Variants in SGK1 observed in about 807,000 individuals in gnomAD.
SGK1 encodes serum/glucocorticoid regulated kinase 1, also known as serine/threonine-protein kinase Sgk1.
Under a neutral mutation model 64.2 loss-of-function variants are expected in SGK1, and 26 were observed. That is an observed-to-expected ratio of 0.40 (90% CI 0.30 to 0.56). The LOEUF is 0.56. SGK1 is among the 20% of genes least tolerant of loss of function. The pLI, the probability that SGK1 is intolerant of heterozygous loss-of-function variation, is 0.38. For synonymous variants in SGK1, 265 were observed against 239.7 expected (o/e 1.11, Z -0.98); for missense variants, 519 against 645.6 (o/e 0.80, Z 2.12).
intron 3 of SGK1, chr6:134,175,396 G>A: frequency 5.6e-6 from 7 of 1,249,038 alleles, no homozygotes; most frequent in Non-Finnish European, 3.1e-6. Context: ...TGGGGCGCAG[G>A]CCTGCGCGCG....
chr6:134,315,803 G>T (rs1327917832), intron 1 of SGK1, among the ~76,000 whole-genome samples: 2 of 152,158 alleles, frequency 1.3e-5, no homozygotes, highest in Non-Finnish European at 2.9e-5. Context: ...AATTTGGGAG[G>T]CTGAGGCAGG....
intron 2 of SGK1, among the ~76,000 whole-genome samples, chr6:134,214,654 C>A (rs959908378): frequency 3.8e-5 from 1 of 26,598 alleles, no homozygotes; most frequent in Non-Finnish European, 1.3e-4. Flanking sequence ...TTCTGAAAAA[C>A]AGAATATGTG....
chr6:134,189,205 G>GGGGT (rs1775469467), intron 3 of SGK1, among the ~76,000 whole-genome samples: 1 of 148,124 alleles, frequency 6.8e-6, no homozygotes, highest in Non-Finnish European at 1.5e-5. Context: ...CTTTTATACA[G>GGGGT]GTGTGTGTGT....
chr6:134,175,433 T>A, intron 3 of SGK1: 1 of 1,308,400 alleles, frequency 7.6e-7, no homozygotes. Context: ...GTCCTCCCGT[T>A]CCCGCCGCCG....
intron 11 of SGK1, 103 bp downstream of exon 11, chr6:134,171,534 A>G (rs1775025484): frequency 1.3e-6 from 1 of 751,394 alleles, no homozygotes. Context: ...TGCTTTTGAT[A>G]AGCGTACTGG....
intron 1 of SGK1, among the ~76,000 whole-genome samples, chr6:134,305,083 C>T (rs1272863911): frequency 6.6e-6 from 1 of 152,110 alleles, no homozygotes; most frequent in South Asian, 2.1e-4. Context: ...TAACCAGGCA[C>T]GGTTGCTCAC....
chr6:134,245,142 TA>T (rs148568732), intron 2 of SGK1, among the ~76,000 whole-genome samples: 2,919 of 152,268 alleles, frequency 0.019, 96 homozygotes, highest in African/African-American at 0.065. Flanking sequence ...GAGGTCTTGC[TA>T]TGTTGCCCAT....
rs114411864 is a variant in SGK1 at position 134,280,024 on chromosome 6, C to A, written c.70-17876G>T. Among the ~76,000 whole-genome samples, 1,484 of 151,922 alleles carry A rather than the reference C, an allele frequency of 9.8e-3. 34 individuals carry two copies. Among genetic ancestry groups the A allele is most frequent in the African/African-American group, 0.034 (1,415 of 41,380 alleles). ...CCGGGGCAACATAGTGAGATCTCAT[C>A]TCTACAATAAGATAAAAAAATATAG... On this transcript the variant is annotated intron_variant, in intron 1 of 13. Coordinates refer to ENST00000367858, the MANE Select transcript of SGK1 (RefSeq NM_001143676.3).
chr6:134,237,575 G>A (rs1776384448), intron 2 of SGK1, among the ~76,000 whole-genome samples: 1 of 152,070 alleles, frequency 6.6e-6, no homozygotes, highest in Admixed American at 6.6e-5. Context: ...TACTCAGGAG[G>A]CAGAGGGAGG....
At chr6:134,205,769 G>A (rs1342876308) in intron 3 of SGK1, among the ~76,000 whole-genome samples, 1 of 152,186 alleles carries the variant, frequency 6.6e-6, no homozygotes, top group Non-Finnish European at 1.5e-5. Context: ...TTAGATTTCT[G>A]TGAATACTCC....
intron 2 of SGK1, among the ~76,000 whole-genome samples, chr6:134,256,617 T>C (rs1776688058): frequency 6.6e-6 from 1 of 152,184 alleles, no homozygotes; most frequent in Non-Finnish European, 1.5e-5. Flanking sequence ...CTCGAAAAAC[T>C]ACTTTTGGTC....
intron 3 of SGK1, among the ~76,000 whole-genome samples, chr6:134,191,212 G>A (rs766120965): frequency 6.6e-6 from 1 of 152,076 alleles, no homozygotes; most frequent in East Asian, 1.9e-4. Context: ...CTGTCTACAC[G>A]AAAGTTGGGG....
chr6:134,315,190 T>C (rs1405081769), intron 1 of SGK1, among the ~76,000 whole-genome samples: 2 of 152,130 alleles, frequency 1.3e-5, no homozygotes, highest in African/African-American at 4.8e-5. Flanking sequence ...AATACAGAAT[T>C]TGTGGAATAA....
intron 1 of SGK1, among the ~76,000 whole-genome samples, chr6:134,291,856 T>G (rs1278330236): frequency 6.6e-6 from 1 of 152,018 alleles, no homozygotes; most frequent in Non-Finnish European, 1.5e-5. Context: ...AGGTCAGGAG[T>G]TCGAGACCAG....
At chr6:134,297,982 T>C in intron 1 of SGK1, 2 of 821,110 alleles carry the variant, frequency 2.4e-6, no homozygotes, top group Non-Finnish European at 2.2e-6. Context: ...CTGTTGTCCA[T>C]GGACAGCATC....
chr6:134,240,113 GA>G (rs1247652227), intron 2 of SGK1, among the ~76,000 whole-genome samples: 1 of 152,086 alleles, frequency 6.6e-6, no homozygotes, highest in Non-Finnish European at 1.5e-5. Context: ...CCAACATGGT[GA>G]AACCCTGTCT....
intron 1 of SGK1, among the ~76,000 whole-genome samples, chr6:134,271,780 T>C (rs184084589): frequency 6.8e-6 from 1 of 148,042 alleles, no homozygotes; most frequent in East Asian, 2.4e-4. Flanking sequence ...CACCCTCCAG[T>C]AGACCCCAGT....
At chr6:134,193,892 T>C (rs1775557230) in intron 3 of SGK1, among the ~76,000 whole-genome samples, 1 of 116,172 alleles carries the variant, frequency 8.6e-6, no homozygotes, top group African/African-American at 3.9e-5. Context: ...ATTTACCCAA[T>C]GATTCCACTT....
intron 2 of SGK1, among the ~76,000 whole-genome samples, chr6:134,227,340 G>C (rs1776200518): frequency 1.3e-5 from 2 of 152,108 alleles, no homozygotes; most frequent in South Asian, 4.1e-4. Context: ...TCACCATCTT[G>C]GCCAGGCTAG....
Sources: gnomAD v4.1 joint callset for allele counts (sites outside exome capture counted in the v4.1 genomes callset) on GRCh38, gnomAD v4.1.1 for gene constraint, MANE v1.5 for transcripts, NCBI Gene and HGNC (gene_info 2026-07-23, HGNC 2026-07-21) for gene names.